PTPRK: variants seen among roughly 807,000 people sequenced by gnomAD.
PTPRK encodes the protein receptor-type tyrosine-protein phosphatase kappa.
In PTPRK, 75 loss-of-function variants were observed where a neutral mutation model predicts 178.0. That is an observed-to-expected ratio of 0.42 (90% CI 0.35 to 0.51). The LOEUF is 0.51. Ranked by LOEUF, PTPRK falls within the 20% of genes least tolerant of loss-of-function variation. PTPRK has a pLI of 0.02. For synonymous variants in PTPRK, 637 were observed against 620.6 expected (o/e 1.03, Z -0.39); for missense variants, 1,441 against 1,797.8 (o/e 0.80, Z 3.59).
chr6:128,164,603 C>A (rs1799131514), intron 7 of PTPRK, among the ~76,000 whole-genome samples: 1 of 151,152 alleles, frequency 6.6e-6, no homozygotes, highest in Non-Finnish European at 1.5e-5. Context: ...TTTTAAAAAA[C>A]ACAGAACTAA....
chr6:128,262,856 C>T (rs1381776507), intron 3 of PTPRK, among the ~76,000 whole-genome samples: 3 of 109,788 alleles, frequency 2.7e-5, no homozygotes, highest in Non-Finnish European at 5.1e-5. Flanking sequence ...AAACCAATAA[C>T]CAAAAAAAAA....
At chr6:128,339,276 A>G (rs550496149) in intron 2 of PTPRK, among the ~76,000 whole-genome samples, 1 of 152,268 alleles carries the variant, frequency 6.6e-6, no homozygotes, top group East Asian at 1.9e-4. Context: ...AGTGATTAAC[A>G]ATTTGGGTGA....
chr6:128,517,218 C>A (rs768016510), intron 1 of PTPRK, among the ~76,000 whole-genome samples: 1 of 151,908 alleles, frequency 6.6e-6, no homozygotes, highest in African/African-American at 2.4e-5. Flanking sequence ...GATAGCTGCA[C>A]AGTGCTTTAC....
intron 23 of PTPRK, 31 bp downstream of exon 23, chr6:127,983,211 A>G: frequency 6.6e-7 from 1 of 1,514,664 alleles, no homozygotes; most frequent in Non-Finnish European, 8.8e-7. Flanking sequence ...TAAAAAATAA[A>G]AAAAAGTCCA....
intron 1 of PTPRK, among the ~76,000 whole-genome samples, chr6:128,441,938 C>T (rs944601510): frequency 3.9e-5 from 6 of 151,998 alleles, no homozygotes; most frequent in African/African-American, 1.4e-4. Context: ...AGCTATAAGC[C>T]CAACATGTAA....
At chr6:128,309,504 G>C (rs551278637) in intron 3 of PTPRK, among the ~76,000 whole-genome samples, 1 of 152,242 alleles carries the variant, frequency 6.6e-6, no homozygotes, top group African/African-American at 2.4e-5. Flanking sequence ...CCCTACACAA[G>C]GCAATGGCTA....
intron 2 of PTPRK, among the ~76,000 whole-genome samples, chr6:128,393,841 C>T (rs879877571): frequency 1.8e-4 from 27 of 152,070 alleles, no homozygotes; most frequent in Non-Finnish European, 1.9e-4. Context: ...TTTCAATTTA[C>T]ATTGACATAT....
intron 17 of PTPRK, among the ~76,000 whole-genome samples, chr6:127,996,378 A>G (rs1777153422): frequency 6.6e-6 from 1 of 152,148 alleles, no homozygotes; most frequent in South Asian, 2.1e-4. Context: ...TCAAACAGCA[A>G]GTTATCTCCA....
At chr6:128,328,008 G>T (rs1829795035) in intron 2 of PTPRK, among the ~76,000 whole-genome samples, 1 of 152,166 alleles carries the variant, frequency 6.6e-6, no homozygotes, top group African/African-American at 2.4e-5. Context: ...TGGGGTATGT[G>T]TGTGCCACAG....
intron 6 of PTPRK, among the ~76,000 whole-genome samples, chr6:128,215,729 G>A (rs908741645): frequency 1.1e-4 from 17 of 151,996 alleles, no homozygotes; most frequent in Non-Finnish European, 2.1e-4. Context: ...AGGAGAAAAT[G>A]CACTAATAAA....
In PTPRK at chr6:128,183,683, A is replaced by G. The variant is rs140788349; in HGVS notation, c.1162+749T>C. 8.6e-4 allele frequency among the ~76,000 whole-genome samples: 131 copies of G among 152,332 alleles called. 3 individuals are homozygous for G. The East Asian group carries it at 0.021, about 25-fold the overall frequency. ...AAAATAAACACTACACTAAAAATGT[A>G]GTCAAGTAAATTAGATATTTAAACT... On this transcript the variant is annotated intron_variant, in intron 7 of 29. Transcript: ENST00000368226.
At chr6:128,345,005 GA>G (rs1222464244) in intron 2 of PTPRK, among the ~76,000 whole-genome samples, 1 of 150,886 alleles carries the variant, frequency 6.6e-6, no homozygotes. Context: ...AATGGGGGGG[GA>G]AAGTAGGTCT....
intron 13 of PTPRK, among the ~76,000 whole-genome samples, chr6:128,024,728 A>G (rs370607378): frequency 7.2e-5 from 11 of 152,012 alleles, no homozygotes; most frequent in South Asian, 4.2e-4. Flanking sequence ...GAGAATTGCA[A>G]CCTCCTGGGA....
chr6:128,136,057 A>C (rs1321188036), intron 7 of PTPRK, among the ~76,000 whole-genome samples: 1 of 152,172 alleles, frequency 6.6e-6, no homozygotes, highest in Non-Finnish European at 1.5e-5. Flanking sequence ...GTCCTATTCC[A>C]GTATCTCTGG....
chr6:128,451,111 T>G (rs969246817), intron 1 of PTPRK, among the ~76,000 whole-genome samples: 2 of 152,146 alleles, frequency 1.3e-5, no homozygotes, highest in African/African-American at 2.4e-5. Context: ...ACTAAAAAAT[T>G]TAATCCACCA....
At chr6:128,477,927 C>T (rs1461352548) in intron 1 of PTPRK, among the ~76,000 whole-genome samples, 1 of 152,074 alleles carries the variant, frequency 6.6e-6, no homozygotes, top group East Asian at 1.9e-4. Context: ...CATCACTCTC[C>T]ATATGCCATT....
chr6:128,378,242 T>C (rs1837379333), intron 2 of PTPRK, among the ~76,000 whole-genome samples: 1 of 152,144 alleles, frequency 6.6e-6, no homozygotes, highest in African/African-American at 2.4e-5. Context: ...GTAGTTCCTA[T>C]TGAACCAATC....
chr6:128,245,489 G>T (rs1163414758), intron 3 of PTPRK, among the ~76,000 whole-genome samples: 1 of 152,082 alleles, frequency 6.6e-6, no homozygotes, highest in Non-Finnish European at 1.5e-5. Context: ...AAGGTAAGCC[G>T]CTGGAATGGA....
intron 15 of PTPRK, among the ~76,000 whole-genome samples, chr6:128,003,813 T>G (rs1375668227): frequency 6.6e-6 from 1 of 151,868 alleles, no homozygotes; most frequent in Non-Finnish European, 1.5e-5. Flanking sequence ...TAATAGTATT[T>G]TACATTTTTC....
Sources: gnomAD v4.1 joint callset for allele counts (sites outside exome capture counted in the v4.1 genomes callset) on GRCh38, gnomAD v4.1.1 for gene constraint, MANE v1.5 for transcripts, NCBI Gene and HGNC (gene_info 2026-07-23, HGNC 2026-07-21) for gene names.